ENOX2: variants seen among roughly 807,000 people sequenced by gnomAD.
ENOX2 encodes the protein ecto-NOX disulfide-thiol exchanger 2, also known as APK1 antigen.
Under a neutral mutation model 45.0 loss-of-function variants are expected in ENOX2, and 36 were observed. The observed-to-expected ratio is 0.80, with a 90% CI of 0.61 to 1.06. ENOX2 has a LOEUF of 1.06. Among genes scored for constraint, ENOX2 ranks in the 50% least tolerant of loss-of-function variants. The probability of loss-of-function intolerance (pLI) is 0.00; values close to 1 mark genes in which losing one functional copy is unlikely to be tolerated. For synonymous variants in ENOX2, 174 were observed against 152.3 expected, an observed-to-expected ratio of 1.14 and a Z score of -1.05; for missense variants, 423 against 462.5, an observed-to-expected ratio of 0.91 and a Z score of 0.78.
intron 2 of ENOX2, among the ~76,000 whole-genome samples, chrX:130,870,263 C>A (rs1030486862): frequency 9.0e-6 from 1 of 111,580 alleles, no homozygotes; most frequent in Admixed American, 9.5e-5. Context: ...ACAGTCATGA[C>A]AAGCCACTCT....
At chrX:130,802,067 G>C (rs1184809332) in intron 2 of ENOX2, among the ~76,000 whole-genome samples, 2 of 111,834 alleles carry the variant, frequency 1.8e-5, no homozygotes, top group Non-Finnish European at 3.8e-5. Flanking sequence ...GGCTCCCCCT[G>C]CCGCCCACAT....
rs991190422 is a variant in ENOX2, at chrX:130,635,088, G to C, written c.1315C>G (p.Leu439Val). ...QQALQGMQQH[L>V]LKVQEEYKKK... ...TTGTATTCCTCTTGGACTTTGAGTAGATGCTACAAGAAAAGACCAAAGACA... is the reference window on the plus strand; with the variant it reads ...TTGTATTCCTCTTGGACTTTGAGTACATGCTACAAGAAAAGACCAAAGACA... Residue 439 changes from leucine to valine, a missense_variant, in exon 12 of 15, where the codon CTA becomes GTA. Physicochemically the swap from Leu to Val is conservative, Grantham distance 32 (BLOSUM62 1). Transcript: ENST00000394363. 9.3e-6 allele frequency: 10 copies of C among 1,075,142 alleles called. No individual in the cohort carries two copies. Among genetic ancestry groups the C allele is most frequent in the African/African-American group, 7.3e-5 (4 of 54,627 alleles). 88.6% of individuals were successfully genotyped at this position (1,075,142 alleles called of 1,213,427 possible).
At chrX:130,848,645 C>A (rs1369004482) in intron 2 of ENOX2, among the ~76,000 whole-genome samples, 2 of 111,780 alleles carry the variant, frequency 1.8e-5, no homozygotes, top group Non-Finnish European at 3.8e-5. Context: ...GCAGACCCTT[C>A]CTAAAGCAAT....
intron 13 of ENOX2, among the ~76,000 whole-genome samples, chrX:130,630,071 G>A (rs1282731803): frequency 9.0e-6 from 1 of 111,181 alleles, no homozygotes; most frequent in Admixed American, 9.6e-5. Flanking sequence ...CTGAAGCTCA[G>A]AGAAGAAATG....
chrX:130,750,102 A>G (rs1195086741), intron 3 of ENOX2, among the ~76,000 whole-genome samples: 1 of 110,187 alleles, frequency 9.1e-6, no homozygotes, highest in Non-Finnish European at 1.9e-5. Flanking sequence ...TCTCTGACCA[A>G]CGGCTTCTGA....
chrX:130,894,034 T>A (rs2079021514), intron 2 of ENOX2, among the ~76,000 whole-genome samples: 1 of 112,280 alleles, frequency 8.9e-6, no homozygotes, highest in Admixed American at 9.4e-5. Flanking sequence ...AGAATGAATA[T>A]TCATCTGAGT....
chrX:130,625,466 C>T, intron 14 of ENOX2, 21 bp from the exon 15 acceptor site: 1 of 1,195,868 alleles, frequency 8.4e-7, no homozygotes, highest in Non-Finnish European at 1.1e-6. Flanking sequence ...GAGAGAACAT[C>T]TCCATTCAAA....
chrX:130,682,172 T>A (rs1235601422), intron 5 of ENOX2, among the ~76,000 whole-genome samples: 1 of 111,193 alleles, frequency 9.0e-6, no homozygotes, highest in East Asian at 2.8e-4. Flanking sequence ...TGGCAAAGAA[T>A]CCTTTTGTGA....
intron 3 of ENOX2, among the ~76,000 whole-genome samples, chrX:130,777,526 G>C (rs1452133426): frequency 3.7e-5 from 4 of 109,115 alleles, no homozygotes; most frequent in Non-Finnish European, 5.7e-5. Flanking sequence ...AGTTAGTTGA[G>C]GTTGTCTCCA....
At chrX:130,894,232 C>T (rs1195644444) in intron 2 of ENOX2, among the ~76,000 whole-genome samples, 1 of 110,837 alleles carries the variant, frequency 9.0e-6, no homozygotes, top group African/African-American at 3.3e-5. Context: ...GGATATACAC[C>T]CAGTAATGGG....
At chrX:130,654,069 T>C (rs1248958232) in intron 10 of ENOX2, among the ~76,000 whole-genome samples, 1 of 112,085 alleles carries the variant, frequency 8.9e-6, no homozygotes, top group Non-Finnish European at 1.9e-5. Flanking sequence ...CTAGTCTAAG[T>C]AAACAGAGCA....
At chrX:130,736,181 T>C (rs1243488860) in intron 3 of ENOX2, among the ~76,000 whole-genome samples, 3 of 110,909 alleles carry the variant, frequency 2.7e-5, no homozygotes, top group Non-Finnish European at 3.8e-5. Flanking sequence ...CTGGCCAACA[T>C]AGTGAAACAC....
At chrX:130,669,032 A>G (rs1257963187) in intron 7 of ENOX2, among the ~76,000 whole-genome samples, 2 of 112,084 alleles carry the variant, frequency 1.8e-5, no homozygotes, top group African/African-American at 6.5e-5. Flanking sequence ...GTCAAAACCA[A>G]TTTCTTACAT....
intron 3 of ENOX2, among the ~76,000 whole-genome samples, chrX:130,772,910 G>A (rs2039774254): frequency 2.7e-5 from 3 of 112,338 alleles, no homozygotes; most frequent in East Asian, 2.8e-4. Flanking sequence ...TGCCTAGTAC[G>A]TAAAAGACAC....
intron 3 of ENOX2, among the ~76,000 whole-genome samples, chrX:130,721,018 G>C (rs747386335): frequency 8.9e-6 from 1 of 111,890 alleles, no homozygotes; most frequent in African/African-American, 3.2e-5. Context: ...CAACAGGGGT[G>C]ACCAAGGGAG....
At chrX:130,820,886 T>C (rs1473971311) in intron 2 of ENOX2, among the ~76,000 whole-genome samples, 2 of 111,945 alleles carry the variant, frequency 1.8e-5, no homozygotes, top group Non-Finnish European at 3.8e-5. Flanking sequence ...AAGAGATCTA[T>C]TGTAAAACAT....
chrX:130,797,293 A>G (rs1441097901), intron 2 of ENOX2, among the ~76,000 whole-genome samples: 3 of 111,689 alleles, frequency 2.7e-5, no homozygotes, highest in African/African-American at 9.8e-5. Flanking sequence ...CTTTCCAAAA[A>G]ATGCCTTAAA....
At chrX:130,863,457 A>C (rs2078441913) in intron 2 of ENOX2, among the ~76,000 whole-genome samples, 1 of 112,352 alleles carries the variant, frequency 8.9e-6, no homozygotes. Flanking sequence ...ATGATGAATA[A>C]AACACTTTTC....
chrX:130,856,146 T>G (rs756103660), intron 2 of ENOX2, among the ~76,000 whole-genome samples: 1 of 112,214 alleles, frequency 8.9e-6, no homozygotes, highest in Non-Finnish European at 1.9e-5. Flanking sequence ...ACTCTAGAAG[T>G]AGTTTGTCAG....
Sources: gnomAD v4.1 joint callset for allele counts (sites outside exome capture counted in the v4.1 genomes callset) on GRCh38, gnomAD v4.1.1 for gene constraint, MANE v1.5 for transcripts, NCBI Gene and HGNC (gene_info 2026-07-23, HGNC 2026-07-21) for gene names.